Variants in ENOX2 observed in about 807,000 individuals in gnomAD.
ENOX2 encodes the protein ecto-NOX disulfide-thiol exchanger 2.
A neutral mutation model predicts 45.0 loss-of-function variants in ENOX2; 36 were observed. The ratio of observed to expected loss-of-function variants is 0.80; its 90% confidence interval spans 0.61 to 1.06. The LOEUF is 1.06. Ranked by LOEUF, ENOX2 falls within the 50% of genes least tolerant of loss-of-function variation. The probability of loss-of-function intolerance (pLI) is 0.00; values close to 1 mark genes in which losing one functional copy is unlikely to be tolerated. For missense variants in ENOX2, 423 were observed against 462.5 expected, an observed-to-expected ratio of 0.91 and a Z score of 0.78; for synonymous variants, 174 against 152.3, an observed-to-expected ratio of 1.14 and a Z score of -1.05.
intron 2 of ENOX2, among the ~76,000 whole-genome samples, chrX:130,863,996 G>C (rs1040264277): frequency 2.0e-4 from 22 of 110,813 alleles, no homozygotes; most frequent in African/African-American, 6.2e-4. Context: ...GTTTGTAGTT[G>C]TAAGAGTCAC....
At chrX:130,635,606 A>G (rs1398521666) in intron 11 of ENOX2, among the ~76,000 whole-genome samples, 1 of 112,168 alleles carries the variant, frequency 8.9e-6, no homozygotes, top group Non-Finnish European at 1.9e-5. Context: ...CCTAATATGT[A>G]CTAAGCATTG....
At chrX:130,841,462 T>C (rs1376402392) in intron 2 of ENOX2, among the ~76,000 whole-genome samples, 1 of 111,412 alleles carries the variant, frequency 9.0e-6, no homozygotes, top group African/African-American at 3.3e-5. Context: ...AACATGGCCA[T>C]TGCTTCCATG....
intron 2 of ENOX2, among the ~76,000 whole-genome samples, chrX:130,818,269 A>AT (rs2077525048): frequency 2.7e-5 from 3 of 111,935 alleles, no homozygotes; most frequent in Non-Finnish European, 5.6e-5. Context: ...GAAATGGAAA[A>AT]ACATCCCGTG....
intron 10 of ENOX2, among the ~76,000 whole-genome samples, chrX:130,653,614 C>G (rs2036465153): frequency 8.9e-6 from 1 of 111,960 alleles, no homozygotes; most frequent in Non-Finnish European, 1.9e-5. Context: ...CAACTCTGGC[C>G]CACACCTGAT....
chrX:130,765,567 C>T (rs1469210031), intron 3 of ENOX2, among the ~76,000 whole-genome samples: 4 of 111,519 alleles, frequency 3.6e-5, no homozygotes. Context: ...GTTCTGAATG[C>T]TGTATAATAT....
At chrX:130,833,011 TCACACA>T (rs10568834) in intron 2 of ENOX2, among the ~76,000 whole-genome samples, 874 of 82,909 alleles carry the variant, frequency 0.011, 4 homozygotes, top group East Asian at 0.045. Flanking sequence ...TCATGTATAA[TCACACA>T]CACACACACA....
intron 2 of ENOX2, among the ~76,000 whole-genome samples, chrX:130,796,845 T>C (rs2077137293): frequency 8.9e-6 from 1 of 112,294 alleles, no homozygotes; most frequent in Non-Finnish European, 1.9e-5. Context: ...AAAGAAAGCC[T>C]GGAAAAATTA....
At chrX:130,634,561 C>T (rs974270991) in intron 12 of ENOX2, among the ~76,000 whole-genome samples, 2 of 111,935 alleles carry the variant, frequency 1.8e-5, no homozygotes, top group African/African-American at 6.5e-5. Flanking sequence ...ACTAAATTGA[C>T]TAGCTGCAAA....
At chrX:130,894,767 A>T (rs1441431886) in intron 2 of ENOX2, among the ~76,000 whole-genome samples, 4 of 110,624 alleles carry the variant, frequency 3.6e-5, no homozygotes, top group African/African-American at 1.3e-4. Flanking sequence ...ACCTTTCCAG[A>T]CTCTTATCCT....
intron 3 of ENOX2, among the ~76,000 whole-genome samples, chrX:130,770,947 T>C (rs1175420012): frequency 1.8e-5 from 2 of 112,434 alleles, no homozygotes; most frequent in Non-Finnish European, 3.8e-5. Context: ...AGCACGATCA[T>C]GGCTGTTCAT....
intron 3 of ENOX2, among the ~76,000 whole-genome samples, chrX:130,765,672 C>T (rs1290034268): frequency 9.0e-6 from 1 of 111,315 alleles, no homozygotes; most frequent in Non-Finnish European, 1.9e-5. Flanking sequence ...AATTGTGCTG[C>T]TTTAAATATG....
intron 2 of ENOX2, among the ~76,000 whole-genome samples, chrX:130,892,815 T>C (rs1234906933): frequency 8.9e-6 from 1 of 112,385 alleles, no homozygotes; most frequent in Non-Finnish European, 1.9e-5. Flanking sequence ...ATCTAGTTAA[T>C]GATATGCATA....
chrX:130,819,799 C>T (rs962758314), intron 2 of ENOX2, among the ~76,000 whole-genome samples: 1 of 110,935 alleles, frequency 9.0e-6, no homozygotes, highest in Non-Finnish European at 1.9e-5. Context: ...CACCATGGCA[C>T]GTGTATACCT....
At chrX:130,780,412 C>T (rs2039943970) in intron 3 of ENOX2, among the ~76,000 whole-genome samples, 1 of 111,937 alleles carries the variant, frequency 8.9e-6, no homozygotes, top group Non-Finnish European at 1.9e-5. Flanking sequence ...GGGTAAACCA[C>T]TTGCTAGACA....
At chrX:130,846,246 T>C (rs1202915033) in intron 2 of ENOX2, among the ~76,000 whole-genome samples, 1 of 111,545 alleles carries the variant, frequency 9.0e-6, no homozygotes, top group African/African-American at 3.3e-5. Flanking sequence ...AGGTGTGCCC[T>C]ACTTTAAGAA....
intron 2 of ENOX2, among the ~76,000 whole-genome samples, chrX:130,808,224 C>G (rs759188348): frequency 8.9e-6 from 1 of 112,158 alleles, no homozygotes; most frequent in African/African-American, 3.2e-5. Flanking sequence ...AGAAAATAAA[C>G]AAAATAAATA....
At chrX:130,668,173 T>C (rs2036889772) in intron 7 of ENOX2, among the ~76,000 whole-genome samples, 1 of 110,337 alleles carries the variant, frequency 9.1e-6, no homozygotes, top group Non-Finnish European at 1.9e-5. Flanking sequence ...TTCAGAATTC[T>C]ACAGTCCTGT....
At chrX:130,812,255 C>CA (rs2077402231) in intron 2 of ENOX2, among the ~76,000 whole-genome samples, 1 of 111,797 alleles carries the variant, frequency 8.9e-6, no homozygotes, top group Non-Finnish European at 1.9e-5. Context: ...AGACTATACT[C>CA]AGACATATAA....
At chrX:130,887,133 A>G (rs1425990182) in intron 2 of ENOX2, among the ~76,000 whole-genome samples, 1 of 111,813 alleles carries the variant, frequency 8.9e-6, no homozygotes, top group African/African-American at 3.3e-5. Context: ...CCTTCAGTAC[A>G]GTTGAACTGA....
Sources: gnomAD v4.1 joint callset for allele counts (sites outside exome capture counted in the v4.1 genomes callset) on GRCh38, gnomAD v4.1.1 for gene constraint, MANE v1.5 for transcripts, NCBI Gene and HGNC (gene_info 2026-07-23, HGNC 2026-07-21) for gene names.